Variants in EPG5 observed in about 807,000 individuals in gnomAD.
The protein encoded by EPG5 is ectopic P-granules 5 autophagy tethering factor, also known as ectopic P granules protein 5 homolog.
A neutral mutation model predicts 302.7 loss-of-function variants in EPG5; 159 were observed. That is an observed-to-expected ratio of 0.53 (90% CI 0.46 to 0.60). EPG5 has a LOEUF of 0.60. Among genes scored for constraint, EPG5 ranks in the 20% least tolerant of loss-of-function variants. The probability of loss-of-function intolerance (pLI) is 0.00; values close to 1 mark genes in which losing one functional copy is unlikely to be tolerated. For missense variants in EPG5, 2,896 were observed against 3,092.4 expected, an observed-to-expected ratio of 0.94 and a Z score of 1.51; for synonymous variants, 1,158 against 1,136.8, an observed-to-expected ratio of 1.02 and a Z score of -0.37.
At position 45,908,018 on chromosome 18, in the gene EPG5, G is replaced by A. The variant is rs765537954; in HGVS notation, c.4269C>T (p.Ile1423=). 1.7e-5 allele frequency: 27 copies of A among 1,599,470 alleles called. No individual in the cohort carries two copies. Among genetic ancestry groups the A allele is most frequent in the Non-Finnish European group, 2.0e-5 (23 of 1,174,502 alleles). ...DENFQKGDTY[I]PSLPKHYDIH... is the part of the protein sequence containing the mutation. ...TATCATAATGCTTTGGTAGAGAAGGGATATAGGTATCTCCTTTTTGAAAAT... is the reference window on the plus strand; with the variant it reads ...TATCATAATGCTTTGGTAGAGAAGGAATATAGGTATCTCCTTTTTGAAAAT... Residue 1423 remains isoleucine, a synonymous_variant, in exon 24 of 44, where the codon ATC becomes ATT. Coordinates refer to ENST00000282041, the MANE Select transcript of EPG5 (RefSeq NM_020964.3).
intron 27 of EPG5, 96 bp downstream of exon 27, chr18:45,899,308 G>A: frequency 7.3e-7 from 1 of 1,379,294 alleles, no homozygotes; most frequent in Non-Finnish European, 1.0e-6. Flanking sequence ...GACACAGACA[G>A]TGTGCTATAT....
chr18:45,919,543 C>T (rs1403772321), intron 16 of EPG5, among the ~76,000 whole-genome samples: 5 of 145,816 alleles, frequency 3.4e-5, no homozygotes, highest in Non-Finnish European at 7.6e-5. Context: ...GACAGAGTCT[C>T]GCTCTGTCGC....
chr18:45,884,652 C>T lies in EPG5; in HGVS notation c.5269G>A (p.Asp1757Asn). Reference sequence around the variant, plus strand: ...AGCATGAAAATCATATCACTGTTGTCCTCACTTAGAAACTTCACCACTTGC... The same window carrying T: ...AGCATGAAAATCATATCACTGTTGTTCTCACTTAGAAACTTCACCACTTGC... ...YEQVVKFLSE[D>N]NSDMIFMLLT... The change falls in exon 30 of 44, where the codon GAC becomes AAC. Residue 1757 changes from aspartate to asparagine, a missense_variant. Around this residue, in one of 5 missense-constraint regions of EPG5, gnomAD observed 790 missense variants for 798.0 expected, o/e 0.99. Coordinates refer to ENST00000282041, the MANE Select transcript of EPG5 (RefSeq NM_020964.3). 1 of 1,608,908 alleles carries T rather than the reference C, an allele frequency of 6.2e-7. No individual in the cohort carries two copies. Among genetic ancestry groups the T allele is most frequent in the Non-Finnish European group, 8.5e-7 (1 of 1,178,462 alleles).
At chr18:45,876,437 G>A in intron 34 of EPG5, 95 bp from the exon 35 acceptor site, 1 of 914,876 alleles carries the variant, frequency 1.1e-6, no homozygotes, top group Non-Finnish European at 1.8e-6. Context: ...CTGGAAGCCT[G>A]TCCATTATGT....
the EPG5 span, among the ~76,000 whole-genome samples, chr18:45,810,654 A>C: frequency 6.6e-6 from 1 of 152,016 alleles, no homozygotes; most frequent in Admixed American, 6.6e-5. Flanking sequence ...TGTGGCGCAC[A>C]CCTGTAATCC....
intron 36 of EPG5, among the ~76,000 whole-genome samples, chr18:45,869,017 T>G (rs1488367933): frequency 1.0e-4 from 15 of 148,764 alleles, no homozygotes. Context: ...ATCGTGCCAC[T>G]GCACTCCAGC....
In EPG5 at chr18:45,879,083, G is replaced by A. The variant is rs1021800873; in HGVS notation, c.5799C>T (p.Tyr1933=). 6.8e-6 allele frequency: 11 copies of A among 1,613,976 alleles called. No homozygotes were observed. In the East Asian group the frequency reaches 8.9e-5, roughly 13 times the overall value. ...YMADVKTFLG[Y]LVKRLIDLEM... is the part of the protein sequence containing the mutation. The stretch of plus-strand genomic sequence containing the variant: ...CTAAGTCAATCAGCCTTTTCACAAG[G>A]TAGCCCAAGAATGTCTTCACATCAG... Residue 1933 remains tyrosine, a synonymous_variant, in exon 33 of 44, where the codon TAC becomes TAT. Coordinates refer to ENST00000282041, the MANE Select transcript of EPG5 (RefSeq NM_020964.3).
At chr18:45,841,013 G>A in the EPG5 span, 1 of 152,244 alleles carries the variant, frequency 6.6e-6, no homozygotes, top group African/African-American at 2.4e-5. Context: ...ACCAGGCACT[G>A]GTACTAAAGA....
chr18:45,805,549 T>A, the EPG5 span, among the ~76,000 whole-genome samples: 1 of 150,960 alleles, frequency 6.6e-6, no homozygotes, highest in Non-Finnish European at 1.5e-5. Context: ...TAGGCAAAAA[T>A]TTCCAATTAG....
chr18:45,861,981 G>A (rs545973140), intron 39 of EPG5, among the ~76,000 whole-genome samples: 1 of 151,924 alleles, frequency 6.6e-6, no homozygotes, highest in Admixed American at 6.5e-5. Flanking sequence ...GCTTCTTTTA[G>A]ATCATTATTC....
chr18:45,824,193 G>A, the EPG5 span, among the ~76,000 whole-genome samples: 5 of 152,114 alleles, frequency 3.3e-5, no homozygotes, highest in South Asian at 2.1e-4. Flanking sequence ...CTCCTGTGTC[G>A]ATCTCCAGTT....
the EPG5 span, among the ~76,000 whole-genome samples, chr18:45,817,627 A>C: frequency 1.2e-4 from 19 of 152,356 alleles, no homozygotes; most frequent in African/African-American, 9.6e-5. Flanking sequence ...GACTATTGGC[A>C]GGTGGTCTCA....
At chr18:45,846,484 G>A (rs375511265), downstream of EPG5, among the ~76,000 whole-genome samples, 6 of 127,078 alleles carry the variant, frequency 4.7e-5, no homozygotes, top group East Asian at 1.4e-3. Flanking sequence ...TCGCGCCACT[G>A]CACTCCAGCC....
Position 45,944,053 on chromosome 18 carries a change from AC to A in EPG5, c.1743del (p.Gln581HisfsTer30). 6.2e-7 allele frequency: 1 copy of A among 1,614,056 alleles called. No individual in the cohort carries two copies. Among genetic ancestry groups the A allele is most frequent in the South Asian group, 1.1e-5 (1 of 91,086 alleles). On this transcript the variant is annotated frameshift_variant, in exon 8 of 44. Coordinates refer to ENST00000282041, the MANE Select transcript of EPG5 (RefSeq NM_020964.3). LOFTEE classifies it high-confidence loss of function. ...TGCTGAAAGAGTTCATGAAAGGGGA[AC>A]TGTGCTAAAATGGTAACCAAATCAT... ...NEDDLVTILA[Q>X]FPFHELFQHL...
intron 10 of EPG5, among the ~76,000 whole-genome samples, chr18:45,937,233 T>TACACACAC (rs1289632590): frequency 2.6e-5 from 2 of 76,314 alleles, no homozygotes; most frequent in African/African-American, 1.1e-4. Flanking sequence ...TATACATATA[T>TACACACAC]ATACACACAC....
chr18:45,885,308 C>T (rs1409569181), intron 29 of EPG5, among the ~76,000 whole-genome samples: 1 of 151,894 alleles, frequency 6.6e-6, no homozygotes. Context: ...CATTGCACTC[C>T]AGCCTGGGCG....
the EPG5 span, among the ~76,000 whole-genome samples, chr18:45,821,726 T>C: frequency 2.0e-5 from 3 of 152,102 alleles, no homozygotes; most frequent in Non-Finnish European, 4.4e-5. Flanking sequence ...GGGGTTAATA[T>C]ACAAAATATA....
the EPG5 span, among the ~76,000 whole-genome samples, chr18:45,834,635 C>A: frequency 6.6e-6 from 1 of 152,254 alleles, no homozygotes; most frequent in African/African-American, 2.4e-5. Flanking sequence ...GCCTACAAAT[C>A]TGTCTCCTTT....
At chr18:45,861,760 AG>A (rs1218259392) in intron 39 of EPG5, among the ~76,000 whole-genome samples, 2 of 152,212 alleles carry the variant, frequency 1.3e-5, no homozygotes, top group African/African-American at 4.8e-5. Context: ...ATTGGTGATC[AG>A]TATATTTTCT....
Sources: gnomAD v4.1 joint callset for allele counts (sites outside exome capture counted in the v4.1 genomes callset) on GRCh38, gnomAD v4.1.1 for gene constraint, gnomAD v4.1.1 regional missense constraint, MANE v1.5 for transcripts, NCBI Gene and HGNC (gene_info 2026-07-23, HGNC 2026-07-21) for gene names.